TAB2: variants seen among roughly 807,000 people sequenced by gnomAD.
TAB2 encodes TGF-beta-activated kinase 1 and MAP3K7-binding protein 2.
TAB2 carries 3 observed loss-of-function variants against 65.0 expected under a neutral mutation model. The observed-to-expected ratio is 0.05, with a 90% CI of 0.02 to 0.12. The LOEUF is 0.12. Among genes scored for constraint, TAB2 ranks in the 10% least tolerant of loss-of-function variants. The pLI, the probability that TAB2 is intolerant of heterozygous loss-of-function variation, is 1.00. For synonymous variants in TAB2, 298 were observed against 285.1 expected (o/e 1.05, Z -0.46); for missense variants, 623 against 840.3 (o/e 0.74, Z 3.20).
intron 1 of TAB2, among the ~76,000 whole-genome samples, chr6:149,225,636 G>A (rs931956700): frequency 6.6e-6 from 1 of 151,980 alleles, no homozygotes; most frequent in African/African-American, 2.4e-5. Flanking sequence ...AATACAAATG[G>A]GAATTTTATT....
intron 1 of TAB2, among the ~76,000 whole-genome samples, chr6:149,240,383 C>T (rs937299625): frequency 3.3e-5 from 5 of 152,190 alleles, no homozygotes; most frequent in African/African-American, 1.2e-4. Context: ...ACAAGGGGGA[C>T]ATTTCTGCAC....
At chr6:149,313,262 C>T (rs1306051235), upstream of TAB2, among the ~76,000 whole-genome samples, 2 of 152,112 alleles carry the variant, frequency 1.3e-5, no homozygotes, top group African/African-American at 4.8e-5. Flanking sequence ...CTCCCACGCT[C>T]AGGAGATCCT....
chr6:149,322,344 G>C (rs534428671), intron 1 of TAB2, among the ~76,000 whole-genome samples: 1 of 151,994 alleles, frequency 6.6e-6, no homozygotes, highest in Admixed American at 6.5e-5. Flanking sequence ...CTGTGTAATG[G>C]GTATTATCCT....
In TAB2 at chr6:149,336,172, A is replaced by G. The variant is rs1287256819; in HGVS notation, c.-90+18157A>G. On this transcript the variant is annotated intron_variant, in intron 1 of 6. Coordinates refer to ENST00000637181, the MANE Select transcript of TAB2 (RefSeq NM_001292034.3). The stretch of plus-strand genomic sequence containing the variant: ...TGGCACGTAGTAGTGCTTAACCAAT[A>G]TGTTTGGAATGAATCATTGTCTTGT... Among the ~76,000 whole-genome samples, 5 of 152,072 alleles carry G rather than the reference A, an allele frequency of 3.3e-5. No homozygotes were observed. The East Asian group carries it at 9.6e-4, about 29-fold the overall frequency.
At chr6:149,329,556 C>T (rs1036882054) in intron 1 of TAB2, among the ~76,000 whole-genome samples, 1 of 150,818 alleles carries the variant, frequency 6.6e-6, no homozygotes, top group African/African-American at 2.4e-5. Context: ...GATTAGATAA[C>T]ATTTGAGCAG....
At chr6:149,240,768 T>C (rs1281451057) in intron 1 of TAB2, among the ~76,000 whole-genome samples, 5 of 152,224 alleles carry the variant, frequency 3.3e-5, no homozygotes, top group African/African-American at 1.2e-4. Context: ...GTCAAATATA[T>C]TTTAAAGTAC....
At chr6:149,330,156 A>G (rs1562418741) in intron 1 of TAB2, among the ~76,000 whole-genome samples, 1 of 151,648 alleles carries the variant, frequency 6.6e-6, no homozygotes, top group Non-Finnish European at 1.5e-5. Context: ...ATTTATCAAT[A>G]TTTATTCCTT....
At chr6:149,307,427 CT>C (rs1779090375) in intron 1 of TAB2, among the ~76,000 whole-genome samples, 1 of 152,146 alleles carries the variant, frequency 6.6e-6, no homozygotes, top group African/African-American at 2.4e-5. Context: ...CCTCATTTAT[CT>C]TCCGTTCCAC....
At chr6:149,309,405 T>C (rs1181059107) in intron 1 of TAB2, among the ~76,000 whole-genome samples, 1 of 146,124 alleles carries the variant, frequency 6.8e-6, no homozygotes, top group Non-Finnish European at 1.5e-5. Flanking sequence ...TAATTCCTCT[T>C]TTTTTTTTTT....
chr6:149,348,427 A>G lies in TAB2; in HGVS notation c.-89-21482A>G, dbSNP rs1780372383. Reference sequence around the variant, plus strand: ...AGGAAAGAGTAGGAGAAAGAAGGAAAGAAAGAAAGAAAAAAAAAAACTGTT... The same window carrying G: ...AGGAAAGAGTAGGAGAAAGAAGGAAGGAAAGAAAGAAAAAAAAAAACTGTT... On this transcript the variant is annotated intron_variant, in intron 1 of 6. Coordinates refer to ENST00000637181, the MANE Select transcript of TAB2 (RefSeq NM_001292034.3). Among the ~76,000 whole-genome samples, 4 of 152,036 alleles carry G rather than the reference A, an allele frequency of 2.6e-5. No homozygotes were observed. In the South Asian group the frequency reaches 8.3e-4, roughly 32 times the overall value.
At chr6:149,335,988 C>T (rs139531080) in intron 1 of TAB2, among the ~76,000 whole-genome samples, 131 of 152,204 alleles carry the variant, frequency 8.6e-4, no homozygotes, top group African/African-American at 3.0e-3. Context: ...ACCTCCTCCC[C>T]TCCCCCACTT....
intron 1 of TAB2, among the ~76,000 whole-genome samples, chr6:149,297,931 C>G (rs1562404474): frequency 6.6e-6 from 1 of 152,154 alleles, no homozygotes; most frequent in Non-Finnish European, 1.5e-5. Flanking sequence ...GCTGATTATA[C>G]TGCAGGTTCC....
chr6:149,384,956 GA>G (rs894501117), intron 3 of TAB2, among the ~76,000 whole-genome samples: 51 of 151,732 alleles, frequency 3.4e-4, no homozygotes, highest in African/African-American at 1.1e-3. Flanking sequence ...ATTATTTAAA[GA>G]AAAAAAATTA....
chr6:149,263,351 C>A (rs912814685), intron 1 of TAB2, among the ~76,000 whole-genome samples: 37 of 152,124 alleles, frequency 2.4e-4, no homozygotes, highest in Non-Finnish European at 4.1e-4. Flanking sequence ...TATATCGAAA[C>A]AATTTTTTTT....
chr6:149,232,509 G>A (rs1430882182), intron 1 of TAB2, among the ~76,000 whole-genome samples: 1 of 152,136 alleles, frequency 6.6e-6, no homozygotes, highest in Non-Finnish European at 1.5e-5. Flanking sequence ...TTACAAGCGT[G>A]AGCCACCACC....
At chr6:149,226,973 T>C (rs909776271) in intron 1 of TAB2, among the ~76,000 whole-genome samples, 14 of 152,216 alleles carry the variant, frequency 9.2e-5, no homozygotes, top group Non-Finnish European at 1.6e-4. Context: ...TCAAAAGGGT[T>C]ATTTGGTTCT....
At chr6:149,343,635 C>A (rs1244230217) in intron 1 of TAB2, among the ~76,000 whole-genome samples, 2 of 151,960 alleles carry the variant, frequency 1.3e-5, no homozygotes, top group Non-Finnish European at 2.9e-5. Context: ...TACTTGATTA[C>A]CCAAAAGAAA....
At chr6:149,275,474 T>C (rs1317629988) in intron 1 of TAB2, among the ~76,000 whole-genome samples, 1 of 152,278 alleles carries the variant, frequency 6.6e-6, no homozygotes, top group East Asian at 1.9e-4. Context: ...ATATACCTTA[T>C]TGAATAAATA....
chr6:149,264,735 C>G (rs547088294), intron 1 of TAB2, among the ~76,000 whole-genome samples: 1 of 152,334 alleles, frequency 6.6e-6, no homozygotes, highest in Non-Finnish European at 1.5e-5. Context: ...AGTGACCCTG[C>G]AGGGATGGTG....
Sources: allele counts gnomAD v4.1 joint callset (sites outside exome capture counted in the v4.1 genomes callset), GRCh38; gene constraint gnomAD v4.1.1; transcripts MANE v1.5; gene names NCBI Gene and HGNC (gene_info 2026-07-23, HGNC 2026-07-21).